The following NPAS2 variants were observed in gnomAD, a reference collection of about 807,000 sequenced individuals.
NPAS2 encodes neuronal PAS domain-containing protein 2.
In NPAS2, 23 loss-of-function variants were observed where a neutral mutation model predicts 107.5. The ratio of observed to expected loss-of-function variants is 0.21; its 90% CI spans 0.15 to 0.30. The LOEUF is 0.30. Ranked by LOEUF, NPAS2 falls within the 10% of genes least tolerant of loss-of-function variation. The pLI, the probability that NPAS2 is intolerant of heterozygous loss-of-function variation, is 1.00. For missense variants in NPAS2, 756 were observed against 1,043.3 expected, an observed-to-expected ratio of 0.72 and a Z score of 3.79; for synonymous variants, 403 against 417.5, an observed-to-expected ratio of 0.97 and a Z score of 0.42.
intron 15 of NPAS2, among the ~76,000 whole-genome samples, chr2:100,979,026 G>A (rs901520716): frequency 4.6e-5 from 7 of 152,190 alleles, no homozygotes; most frequent in Non-Finnish European, 1.0e-4. Context: ...TCAGCAGCAG[G>A]TGCCCCTCTC....
intron 4 of NPAS2, among the ~76,000 whole-genome samples, chr2:100,937,272 C>T (rs1000942595): frequency 6.6e-6 from 1 of 152,178 alleles, no homozygotes; most frequent in African/African-American, 2.4e-5. Context: ...TGAGCAGAGG[C>T]CTGCCTTGGC....
In NPAS2 at chr2:100,901,907, G is replaced by A. The variant is rs991956281; in HGVS notation, c.-22-2826G>A. On this transcript the variant is annotated intron_variant, in intron 1 of 20. Transcript: ENST00000335681. ...ATTCACACACCTCGTGACTGTCTAC[G>A]CCACGTAGGACACATGGTTATCTGG... Among the ~76,000 whole-genome samples, 20 of 151,936 alleles carry A rather than the reference G, an allele frequency of 1.3e-4. No individual in the cohort carries two copies. The East Asian group carries it at 3.3e-3, about 25-fold the overall frequency.
intron 7 of NPAS2, among the ~76,000 whole-genome samples, chr2:100,952,589 CA>C: frequency 6.6e-6 from 1 of 151,868 alleles, no homozygotes; most frequent in Non-Finnish European, 1.5e-5. Context: ...AAAACAACAA[CA>C]AAAAACTAGC....
intron 1 of NPAS2, among the ~76,000 whole-genome samples, chr2:100,858,401 C>G (rs1177853550): frequency 6.6e-6 from 1 of 152,224 alleles, no homozygotes; most frequent in African/African-American, 2.4e-5. Flanking sequence ...GAAAAACAAA[C>G]TCCTTCCAGC....
intron 16 of NPAS2, chr2:100,985,748 C>T (rs950428872): frequency 6.6e-6 from 1 of 152,024 alleles, no homozygotes; most frequent in African/African-American, 2.4e-5. Context: ...AAGATATATG[C>T]TCTTAATGTC....
intron 2 of NPAS2, among the ~76,000 whole-genome samples, chr2:100,924,359 T>G (rs1190258825): frequency 6.6e-6 from 1 of 152,222 alleles, no homozygotes; most frequent in African/African-American, 2.4e-5. Flanking sequence ...CAGAGTGGAT[T>G]CACTGCCCTA....
intron 5 of NPAS2, among the ~76,000 whole-genome samples, chr2:100,944,861 C>G (rs1041835888): frequency 2.0e-5 from 3 of 152,188 alleles, no homozygotes; most frequent in Admixed American, 6.5e-5. Context: ...AGTTCTCTCA[C>G]ACAGGTGACC....
At chr2:100,970,713 C>A in intron 11 of NPAS2, 1 of 338,992 alleles carries the variant, frequency 2.9e-6, no homozygotes, top group Non-Finnish European at 5.3e-6. Context: ...TTGGAGATTT[C>A]AGGGAAGTAA....
intron 2 of NPAS2, among the ~76,000 whole-genome samples, chr2:100,905,705 T>C (rs1308822083): frequency 6.6e-6 from 1 of 152,134 alleles, no homozygotes; most frequent in East Asian, 1.9e-4. Context: ...CCACTGCTTG[T>C]GTGTGGCAGG....
In NPAS2 at chr2:100,869,912, T is replaced by C. The variant is rs1342871216; in HGVS notation, c.-22-34821T>C. Among the ~76,000 whole-genome samples, 5 of 148,836 alleles carry C rather than the reference T, an allele frequency of 3.4e-5. No homozygotes were observed. In the East Asian group the frequency reaches 7.9e-4, roughly 24 times the overall value. On this transcript the variant is annotated intron_variant, in intron 1 of 20. Transcript: ENST00000335681. The stretch of plus-strand genomic sequence containing the variant: ...AGACTCCTGACTTCTTTTTTTTTTT[T>C]TTTTTTTTTTGAGATGGAGTCTCGC...
intron 1 of NPAS2, chr2:100,823,609 A>G (rs973438656): frequency 1.3e-5 from 2 of 152,370 alleles, no homozygotes; most frequent in African/African-American, 4.8e-5. Context: ...CAGCTACCAG[A>G]TGCTGCACGC....
chr2:100,839,074 C>T (rs1677239458), intron 1 of NPAS2, among the ~76,000 whole-genome samples: 1 of 152,094 alleles, frequency 6.6e-6, no homozygotes, highest in Non-Finnish European at 1.5e-5. Context: ...CCTCCTCTTC[C>T]TCCTTCTTGG....
intron 1 of NPAS2, among the ~76,000 whole-genome samples, chr2:100,869,590 GCTAA>G (rs1679441841): frequency 6.6e-6 from 1 of 152,188 alleles, no homozygotes; most frequent in African/African-American, 2.4e-5. Flanking sequence ...TTTGGGAGAG[GCTAA>G]CTTTCTCCTT....
At chr2:100,824,484 C>G (rs960970456) in intron 1 of NPAS2, among the ~76,000 whole-genome samples, 2 of 152,220 alleles carry the variant, frequency 1.3e-5, no homozygotes, top group African/African-American at 2.4e-5. Flanking sequence ...CACCTCTCCT[C>G]TTTGAGGGGC....
chr2:100,980,902 G>A (rs1385052058), intron 15 of NPAS2, among the ~76,000 whole-genome samples: 1 of 152,140 alleles, frequency 6.6e-6, no homozygotes, highest in East Asian at 1.9e-4. Flanking sequence ...CAGCTCCTAA[G>A]ACTTGGGATT....
chr2:100,921,890 G>A (rs763441899), intron 2 of NPAS2, among the ~76,000 whole-genome samples: 153 of 152,200 alleles, frequency 1.0e-3, no homozygotes, highest in Middle Eastern at 3.4e-3. Context: ...TGTTCAGAAC[G>A]GCATTATTCT....
At chr2:100,954,642 G>T (rs1573711682) in intron 7 of NPAS2, among the ~76,000 whole-genome samples, 2 of 144,836 alleles carry the variant, frequency 1.4e-5, no homozygotes, top group South Asian at 4.3e-4. Context: ...TCCAACCTGG[G>T]TGACATAGTA....
chr2:100,861,301 C>T lies in NPAS2; in HGVS notation c.-23+40887C>T, dbSNP rs923139022. On this transcript the variant is annotated intron_variant, in intron 1 of 20. Transcript: ENST00000335681. ...CATTGAAGAGAAGCAGGAGACAAAC[C>T]GGGGAGAACACTTGGAAAACTTTAG... Among the ~76,000 whole-genome samples the T allele has an allele frequency of 5.9e-5, 9 of 152,186 alleles. No individual in the cohort carries two copies. The East Asian group carries it at 1.4e-3, about 23-fold the overall frequency.
rs766141192 is a variant in NPAS2 at position 100,965,450 on chromosome 2, A to C, written c.801-210A>C. Among the ~76,000 whole-genome samples, 13 of 138,074 alleles carry C rather than the reference A, an allele frequency of 9.4e-5. No individual in the cohort carries two copies. The highest frequency in any genetic ancestry group is 1.8e-4 in the Non-Finnish European group (12 of 65,530). The allele number at this position is 138,074 out of a possible 152,430, so 90.6% of individuals were successfully genotyped here. A position where few individuals can be genotyped will look rare whatever the true frequency, so the allele number is the denominator to read the frequency against. ...TTGTTATTTGGGCCAAGTTATGCCA[A>C]GGGAAAGGAGTATCTATATGCCAAA... On this transcript the variant is annotated intron_variant, in intron 9 of 20. Coordinates refer to ENST00000335681, the MANE Select transcript of NPAS2 (RefSeq NM_002518.4). The surrounding 1 kb of genome is among the most constrained non-coding windows in gnomAD (Gnocchi z 4.3).
Sources: gnomAD v4.1 joint callset for allele counts (sites outside exome capture counted in the v4.1 genomes callset) on GRCh38, gnomAD v4.1.1 for gene constraint, Gnocchi (gnomAD v3.1) non-coding constraint, MANE v1.5 for transcripts, NCBI Gene and HGNC (gene_info 2026-07-23, HGNC 2026-07-21) for gene names.